NCAM1: variants seen among roughly 807,000 people sequenced by gnomAD.
NCAM1 encodes the protein antigen recognized by monoclonal antibody 5.1H11.
In NCAM1, 14 loss-of-function variants were observed where a neutral mutation model predicts 109.8. The observed-to-expected ratio is 0.13, with a 90% CI of 0.08 to 0.20. NCAM1 has a LOEUF of 0.20. NCAM1 is among the 10% of genes least tolerant of loss of function. The pLI, the probability that NCAM1 is intolerant of heterozygous loss-of-function variation, is 1.00. For synonymous variants in NCAM1, 418 were observed against 442.9 expected, an observed-to-expected ratio of 0.94 and a Z score of 0.70; for missense variants, 774 against 1,109.9, an observed-to-expected ratio of 0.70 and a Z score of 4.30.
chr11:113,141,397 C>T (rs1555100371), intron 1 of NCAM1, among the ~76,000 whole-genome samples: 4 of 152,084 alleles, frequency 2.6e-5, no homozygotes, highest in South Asian at 2.1e-4. Context: ...TTTGGGAGGC[C>T]GAGGTGGGCA....
intron 14 of NCAM1, among the ~76,000 whole-genome samples, chr11:113,240,224 C>A (rs586903): frequency 0.81 from 123,177 of 152,206 alleles, 50,037 homozygotes; most frequent in South Asian, 0.91. Flanking sequence ...CTGTATGATA[C>A]AGGATCATGA....
intron 14 of NCAM1, among the ~76,000 whole-genome samples, chr11:113,239,744 C>T (rs560932359): frequency 6.6e-6 from 1 of 152,206 alleles, no homozygotes; most frequent in African/African-American, 2.4e-5. Context: ...GGGAAGGAGA[C>T]CTGAATTAAC....
At chr11:113,079,893 GCTTA>G (rs1227562501) in intron 1 of NCAM1, among the ~76,000 whole-genome samples, 3 of 152,160 alleles carry the variant, frequency 2.0e-5, no homozygotes, top group African/African-American at 7.2e-5. Flanking sequence ...TCTTGCCTCA[GCTTA>G]CTTTTTCTTC....
rs1555125397 is a variant in NCAM1, at chr11:113,271,754, C to G, written c.2340-6C>G. On this transcript the variant is annotated splice_region_variant and splice_polypyrimidine_tract_variant and intron_variant, in intron 18 of 19. Coordinates refer to ENST00000316851, the MANE Select transcript of NCAM1 (RefSeq NM_181351.5). ...TAGGGTCTAACCAGCAGTACTGTCT[C>G]CACAGGAAAGATGAGTCCAAGGAGC... 2.6e-6 allele frequency: 4 copies of G among 1,553,270 alleles called. No homozygotes were observed. Among genetic ancestry groups the G allele is most frequent in the Non-Finnish European group, 3.5e-6 (4 of 1,147,788 alleles).
At position 113,277,692 on chromosome 11, in the gene NCAM1, G is replaced by A. The variant is rs1946425434; in HGVS notation, c.*2305G>A. On this transcript the variant is annotated 3_prime_UTR_variant, in exon 20 of 20. Transcript: ENST00000316851. ...AACTGGTTTTGGTTCTGATGGTTAG[G>A]AAGAAACAGGTCAGCCCTCAGATCA... is the stretch of plus-strand genomic sequence containing the variant. The A allele has an allele frequency of 2.9e-6, 1 of 342,980 alleles. No homozygotes were observed. The allele number at this position is 342,980 out of a possible 1,614,324, so 21.2% of individuals were successfully genotyped here.
At chr11:113,223,941 G>T (rs1158703673) in intron 9 of NCAM1, among the ~76,000 whole-genome samples, 5 of 152,172 alleles carry the variant, frequency 3.3e-5, no homozygotes, top group African/African-American at 1.2e-4. Flanking sequence ...AAATAGCCCT[G>T]GAGGTAGGGG....
intron 1 of NCAM1, among the ~76,000 whole-genome samples, chr11:113,058,929 T>A (rs1953817772): frequency 6.6e-6 from 1 of 152,240 alleles, no homozygotes; most frequent in Admixed American, 6.5e-5. Context: ...TATGATGAAC[T>A]GAAATCTTTT....
chr11:113,047,782 G>A lies in NCAM1; in HGVS notation c.52+86118G>A, dbSNP rs151213551. ...CATGGTGGCAGCAAGGAGAAGTGCAGGGGAACTCCCCTTTACAAAACCATC... is the reference window on the plus strand; with the variant it reads ...CATGGTGGCAGCAAGGAGAAGTGCAAGGGAACTCCCCTTTACAAAACCATC... On this transcript the variant is annotated intron_variant, in intron 1 of 19. Coordinates refer to ENST00000316851, the MANE Select transcript of NCAM1 (RefSeq NM_181351.5). 5.3e-5 allele frequency among the ~76,000 whole-genome samples: 8 copies of A among 152,284 alleles called. No homozygotes were observed. In the East Asian group the frequency reaches 1.5e-3, roughly 29 times the overall value.
intron 1 of NCAM1, among the ~76,000 whole-genome samples, chr11:113,101,651 A>AT (rs1555091556): frequency 6.6e-6 from 1 of 152,228 alleles, no homozygotes; most frequent in African/African-American, 2.4e-5. Context: ...AAGAAGTAAG[A>AT]TTCTTCAGAA....
At chr11:113,000,710 G>C (rs1025261493) in intron 1 of NCAM1, among the ~76,000 whole-genome samples, 14 of 151,514 alleles carry the variant, frequency 9.2e-5, no homozygotes, top group African/African-American at 3.4e-4. Context: ...TTCCTGGAAG[G>C]CTGATGGGTC....
intron 1 of NCAM1, among the ~76,000 whole-genome samples, chr11:113,045,743 A>G (rs1450507481): frequency 1.3e-5 from 2 of 152,106 alleles, no homozygotes; most frequent in African/African-American, 4.8e-5. Flanking sequence ...TTTTATTTCA[A>G]CCTGTCTTCT....
At chr11:113,068,333 G>C (rs1355434747) in intron 1 of NCAM1, among the ~76,000 whole-genome samples, 1 of 152,156 alleles carries the variant, frequency 6.6e-6, no homozygotes, top group Non-Finnish European at 1.5e-5. Context: ...GAAGCCCTGT[G>C]ATTAAGCATC....
At chr11:113,203,542 G>C (rs1350425024) in intron 2 of NCAM1, among the ~76,000 whole-genome samples, 1 of 152,242 alleles carries the variant, frequency 6.6e-6, no homozygotes, top group East Asian at 1.9e-4. Context: ...TTCCAGCTCA[G>C]TGTCCTGGGC....
intron 1 of NCAM1, among the ~76,000 whole-genome samples, chr11:113,115,784 C>T (rs1343430826): frequency 3.3e-5 from 5 of 152,284 alleles, no homozygotes; most frequent in South Asian, 2.1e-4. Context: ...ATAACAGTTA[C>T]GAGAATCTGG....
chr11:113,166,150 C>A, intron 1 of NCAM1, among the ~76,000 whole-genome samples: 1 of 152,120 alleles, frequency 6.6e-6, no homozygotes, highest in East Asian at 1.9e-4. Context: ...TGATTTCTTT[C>A]CACGCCTGTT....
intron 1 of NCAM1, among the ~76,000 whole-genome samples, chr11:113,190,058 C>T (rs1463312699): frequency 3.3e-5 from 5 of 152,136 alleles, no homozygotes; most frequent in Non-Finnish European, 7.4e-5. Flanking sequence ...CCCCCAACCT[C>T]ACTACTCCTA....
At chr11:112,976,185 A>G (rs1555067665) in intron 1 of NCAM1, among the ~76,000 whole-genome samples, 1 of 151,980 alleles carries the variant, frequency 6.6e-6, no homozygotes, top group African/African-American at 2.4e-5. Flanking sequence ...ATGTGCAGTT[A>G]TTTTAACAAT....
At chr11:113,053,757 A>G in intron 1 of NCAM1, among the ~76,000 whole-genome samples, 1 of 152,192 alleles carries the variant, frequency 6.6e-6, no homozygotes, top group East Asian at 1.9e-4. Flanking sequence ...ACTGACAGTA[A>G]TGATATTACT....
intron 1 of NCAM1, among the ~76,000 whole-genome samples, chr11:113,056,297 T>C (rs900661407): frequency 5.9e-5 from 9 of 151,842 alleles, no homozygotes; most frequent in Admixed American, 3.3e-4. Context: ...TGCAAAACTA[T>C]AGTTAAATAG....
Sources: allele counts gnomAD v4.1 joint callset (sites outside exome capture counted in the v4.1 genomes callset), GRCh38; gene constraint gnomAD v4.1.1; transcripts MANE v1.5; gene names NCBI Gene and HGNC (gene_info 2026-07-23, HGNC 2026-07-21).